The following SLC16A12 variants were observed in gnomAD, a reference collection of about 807,000 sequenced individuals.
The protein encoded by SLC16A12 is solute carrier family 16 member 12.
In SLC16A12, 17 loss-of-function variants were observed where a neutral mutation model predicts 42.4. That is an observed-to-expected ratio of 0.40 (90% CI 0.27 to 0.60). The LOEUF is 0.60. Ranked by LOEUF, SLC16A12 falls within the 20% of genes least tolerant of loss-of-function variation. SLC16A12 has a pLI of 0.42. For missense variants in SLC16A12, 544 were observed against 623.0 expected (o/e 0.87, Z 1.35); for synonymous variants, 224 against 229.4 (o/e 0.98, Z 0.21).
chr10:89,517,513 T>C (rs1344992131), intron 2 of SLC16A12, among the ~76,000 whole-genome samples: 1 of 151,952 alleles, frequency 6.6e-6, no homozygotes, highest in Non-Finnish European at 1.5e-5. Flanking sequence ...GGCCACACTA[T>C]GTTGCCCAGG....
At position 89,432,392 on chromosome 10, in the gene SLC16A12, C is replaced by G. The variant is rs1841707509; in HGVS notation, c.*672G>C. The G allele has an allele frequency of 6.6e-6, 1 of 152,178 alleles. No individual in the cohort carries two copies. 9.4% of individuals were successfully genotyped at this position (152,178 alleles called of 1,614,324 possible). On this transcript the variant is annotated 3_prime_UTR_variant, in exon 8 of 8. Coordinates refer to ENST00000371790, the MANE Select transcript of SLC16A12 (RefSeq NM_213606.4). ...GATGCCCTTTAAGATCTATTCCAAC[C>G]ATGGCATTCCATGATTATTTGGATT...
At position 89,448,928 on chromosome 10, in the gene SLC16A12, T is replaced by C. The variant is rs193202773; in HGVS notation, c.201-5069A>G. 5.0e-3 allele frequency among the ~76,000 whole-genome samples: 767 copies of C among 152,210 alleles called. 1 individual carries two copies. The highest frequency in any genetic ancestry group is 8.5e-3 in the Non-Finnish European group (576 of 67,978). On this transcript the variant is annotated intron_variant, in intron 3 of 7. Coordinates refer to ENST00000371790, the MANE Select transcript of SLC16A12 (RefSeq NM_213606.4). Reference sequence around the variant, plus strand: ...GCAAAGTCTCAGGATACAAAATCAATGTGCAAAAATCACAAGCATTCCTAT... The same window carrying C: ...GCAAAGTCTCAGGATACAAAATCAACGTGCAAAAATCACAAGCATTCCTAT...
At chr10:89,451,256 A>T (rs1429620479) in intron 3 of SLC16A12, among the ~76,000 whole-genome samples, 1 of 152,170 alleles carries the variant, frequency 6.6e-6, no homozygotes, top group Non-Finnish European at 1.5e-5. Context: ...GTGTGAAAGT[A>T]GGTGGTGAAG....
At chr10:89,545,524 A>G (rs1843737629) in intron 2 of SLC16A12, among the ~76,000 whole-genome samples, 2 of 152,198 alleles carry the variant, frequency 1.3e-5, no homozygotes, top group South Asian at 4.1e-4. Flanking sequence ...AGACCTCTTC[A>G]AGGAGAACTA....
chr10:89,495,504 C>T (rs1384886730), intron 2 of SLC16A12, among the ~76,000 whole-genome samples: 1 of 152,156 alleles, frequency 6.6e-6, no homozygotes, highest in East Asian at 1.9e-4. Context: ...ACTACAGATG[C>T]TCCTTGACTT....
intron 2 of SLC16A12, among the ~76,000 whole-genome samples, chr10:89,502,901 G>A (rs1242425559): frequency 6.6e-6 from 1 of 152,170 alleles, no homozygotes; most frequent in African/African-American, 2.4e-5. Context: ...TTAATAAAAG[G>A]CTGAGAAGAT....
chr10:89,459,144 T>C (rs2133737315), intron 3 of SLC16A12, among the ~76,000 whole-genome samples: 1 of 152,294 alleles, frequency 6.6e-6, no homozygotes, highest in African/African-American at 2.4e-5. Context: ...AATTCCTTGG[T>C]TCCTAGGTTT....
intron 2 of SLC16A12, among the ~76,000 whole-genome samples, chr10:89,546,846 T>C (rs1843744982): frequency 1.3e-5 from 2 of 152,346 alleles, no homozygotes; most frequent in African/African-American, 2.4e-5. Context: ...TGGAATACTA[T>C]GCAGCCATAA....
At chr10:89,454,292 G>A (rs1473617557) in intron 3 of SLC16A12, among the ~76,000 whole-genome samples, 2 of 152,108 alleles carry the variant, frequency 1.3e-5, no homozygotes, top group African/African-American at 4.8e-5. Context: ...ATAGGCATAA[G>A]TCACTATCTC....
chr10:89,531,818 T>A (rs1843560572), intron 2 of SLC16A12, among the ~76,000 whole-genome samples: 2 of 152,230 alleles, frequency 1.3e-5, no homozygotes, highest in African/African-American at 4.8e-5. Flanking sequence ...TGCTTTACCA[T>A]CTTTCAAGAA....
rs558784111 is a variant in SLC16A12, at chr10:89,448,556, T to C, written c.201-4697A>G. On this transcript the variant is annotated intron_variant, in intron 3 of 7. Transcript: ENST00000371790. ...AAAAGGCCTTTGACAAAATTCAACA[T>C]CCCTTCATGCTAAAAACTCTCAATA... 2.0e-3 allele frequency among the ~76,000 whole-genome samples: 301 copies of C among 152,172 alleles called. 1 individual carries two copies. Among genetic ancestry groups the C allele is most frequent in the Non-Finnish European group, 3.1e-3 (212 of 67,996 alleles).
chr10:89,462,132 G>A (rs1346754547), intron 3 of SLC16A12, among the ~76,000 whole-genome samples: 1 of 151,956 alleles, frequency 6.6e-6, no homozygotes, highest in African/African-American at 2.4e-5. Context: ...CAAAGGAAAC[G>A]ATACCTGAGC....
chr10:89,501,329 A>G (rs1842988747), intron 2 of SLC16A12, among the ~76,000 whole-genome samples: 1 of 152,228 alleles, frequency 6.6e-6, no homozygotes, highest in Admixed American at 6.5e-5. Context: ...AAATCAAAAA[A>G]CAGTCCACAT....
chr10:89,528,555 T>C (rs1296265633), intron 2 of SLC16A12, among the ~76,000 whole-genome samples: 4 of 152,170 alleles, frequency 2.6e-5, no homozygotes. Flanking sequence ...TGAACATTCA[T>C]TCAACCATTG....
chr10:89,504,832 A>G (rs909221400), intron 2 of SLC16A12, among the ~76,000 whole-genome samples: 2 of 152,142 alleles, frequency 1.3e-5, no homozygotes, highest in African/African-American at 4.8e-5. Context: ...TCCACTGCCA[A>G]CAAGCCCTGG....
At chr10:89,475,217 A>G (rs1035536659) in intron 2 of SLC16A12, among the ~76,000 whole-genome samples, 2 of 152,208 alleles carry the variant, frequency 1.3e-5, no homozygotes, top group Admixed American at 1.3e-4. Context: ...TTAAAGGGTA[A>G]TTTTCCAAGT....
At chr10:89,436,804 GAGGAAGGA>G (rs72103752) in intron 6 of SLC16A12, among the ~76,000 whole-genome samples, 119 of 131,448 alleles carry the variant, frequency 9.1e-4, no homozygotes, top group East Asian at 8.1e-3. Context: ...GAAAGGAAAG[GAGGAAGGA>G]AGGAAGGAAG....
At chr10:89,504,948 G>A (rs1843037338) in intron 2 of SLC16A12, among the ~76,000 whole-genome samples, 1 of 152,124 alleles carries the variant, frequency 6.6e-6, no homozygotes, top group Non-Finnish European at 1.5e-5. Flanking sequence ...TAAGTCTCAA[G>A]GCAAGAAGGA....
At chr10:89,508,722 A>G (rs1195029301) in intron 2 of SLC16A12, among the ~76,000 whole-genome samples, 2 of 152,226 alleles carry the variant, frequency 1.3e-5, no homozygotes, top group Admixed American at 1.3e-4. Flanking sequence ...AGAAATAACT[A>G]AAATCAGAGC....
Sources: gnomAD v4.1 joint callset for allele counts (sites outside exome capture counted in the v4.1 genomes callset) on GRCh38, gnomAD v4.1.1 for gene constraint, MANE v1.5 for transcripts, NCBI Gene and HGNC (gene_info 2026-07-23, HGNC 2026-07-21) for gene names.